DOK6: variants seen among roughly 807,000 people sequenced by gnomAD.
DOK6 encodes the protein docking protein 6, also known as downstream of tyrosine kinase 6.
Under a neutral mutation model 44.0 loss-of-function variants are expected in DOK6, and 22 were observed. That is an observed-to-expected ratio of 0.50 (90% confidence interval 0.36 to 0.71). DOK6 has a LOEUF of 0.71. Ranked by LOEUF, DOK6 falls within the 30% of genes least tolerant of loss-of-function variation. The pLI is 0.00. For missense variants in DOK6, 340 were observed against 416.4 expected (o/e 0.82, Z 1.60); for synonymous variants, 166 against 145.5 (o/e 1.14, Z -1.01).
chr18:69,821,517 C>A (rs1981569072), intron 7 of DOK6, among the ~76,000 whole-genome samples: 2 of 152,148 alleles, frequency 1.3e-5, no homozygotes, highest in African/African-American at 4.8e-5. Context: ...TATTTTCCAT[C>A]TTTAAAAGTA....
chr18:69,490,672 T>A (rs1980711074), intron 1 of DOK6, among the ~76,000 whole-genome samples: 1 of 152,194 alleles, frequency 6.6e-6, no homozygotes, highest in African/African-American at 2.4e-5. Context: ...AGTATTTGAA[T>A]TACCTCCATT....
intron 7 of DOK6, among the ~76,000 whole-genome samples, chr18:69,796,008 CTGAG>C (rs1390472370): frequency 6.6e-6 from 1 of 152,114 alleles, no homozygotes; most frequent in Admixed American, 6.6e-5. Flanking sequence ...AGTTTTCTGC[CTGAG>C]TGTTTCTTTC....
At chr18:69,428,988 T>C (rs1599126588) in intron 1 of DOK6, among the ~76,000 whole-genome samples, 1 of 152,220 alleles carries the variant, frequency 6.6e-6, no homozygotes, top group South Asian at 2.1e-4. Flanking sequence ...CTGTTGCTTT[T>C]CACAAATGAA....
intron 1 of DOK6, among the ~76,000 whole-genome samples, chr18:69,434,086 G>A (rs1244344083): frequency 1.3e-5 from 2 of 152,080 alleles, no homozygotes; most frequent in Non-Finnish European, 2.9e-5. Context: ...TCTCTTCCAA[G>A]CATAATTATG....
At chr18:69,752,835 T>C (rs1483408317) in intron 6 of DOK6, among the ~76,000 whole-genome samples, 1 of 152,270 alleles carries the variant, frequency 6.6e-6, no homozygotes, top group African/African-American at 2.4e-5. Flanking sequence ...CACGGGGTCA[T>C]GTGGAGCAGC....
intron 2 of DOK6, among the ~76,000 whole-genome samples, chr18:69,578,232 T>G (rs186005383): frequency 1.3e-5 from 2 of 152,166 alleles, no homozygotes; most frequent in African/African-American, 4.8e-5. Flanking sequence ...CCGTCTATAA[T>G]GGTACTATAT....
At chr18:69,562,905 A>T (rs1283757645) in intron 1 of DOK6, among the ~76,000 whole-genome samples, 1 of 152,240 alleles carries the variant, frequency 6.6e-6, no homozygotes, top group Non-Finnish European at 1.5e-5. Flanking sequence ...TACTTATCTG[A>T]CAAAGGGCTA....
intron 1 of DOK6, among the ~76,000 whole-genome samples, chr18:69,461,144 G>A (rs1022526130): frequency 6.6e-6 from 1 of 151,806 alleles, no homozygotes; most frequent in South Asian, 2.1e-4. Flanking sequence ...TTCTTTTTTG[G>A]TTCTGATGAA....
At position 69,653,907 on chromosome 18, in the gene DOK6, G is replaced by GA. The variant is rs570711395; in HGVS notation, c.290-23819dup. Among the ~76,000 whole-genome samples the GA allele has an allele frequency of 3.6e-3, 527 of 146,662 alleles. 6 individuals carry two copies. The highest frequency in any genetic ancestry group is 0.012 in the African/African-American group (500 of 40,034). On this transcript the variant is annotated intron_variant, in intron 3 of 7. Coordinates refer to ENST00000382713, the MANE Select transcript of DOK6 (RefSeq NM_152721.6). ...TTAAATACCACCAATCATTCCAGGA[G>GA]AAAAAAAATGGTTAATAGAAATGGG...
chr18:69,839,355 CT>C (rs1481555167), intron 7 of DOK6, among the ~76,000 whole-genome samples: 3 of 150,490 alleles, frequency 2.0e-5, no homozygotes, highest in Non-Finnish European at 4.4e-5. Context: ...AGCCCCTCCC[CT>C]GGTCTATCCC....
chr18:69,547,857 T>A (rs191294789), intron 1 of DOK6, among the ~76,000 whole-genome samples: 3 of 150,142 alleles, frequency 2.0e-5, no homozygotes, highest in Non-Finnish European at 4.4e-5. Context: ...TCCAGTTGCA[T>A]CCTTGTTGCT....
chr18:69,838,688 G>A (rs956596088), intron 7 of DOK6, among the ~76,000 whole-genome samples: 12 of 151,960 alleles, frequency 7.9e-5, no homozygotes, highest in Non-Finnish European at 1.6e-4. Context: ...AAGTAGCAGA[G>A]GCAACATATA....
intron 5 of DOK6, among the ~76,000 whole-genome samples, chr18:69,722,559 A>G (rs532379056): frequency 1.3e-5 from 2 of 152,338 alleles, no homozygotes; most frequent in East Asian, 3.9e-4. Context: ...CAGAGAGTAG[A>G]TATCAGGGCA....
At chr18:69,526,945 C>G (rs1266799003) in intron 1 of DOK6, among the ~76,000 whole-genome samples, 1 of 152,172 alleles carries the variant, frequency 6.6e-6, no homozygotes, top group Non-Finnish European at 1.5e-5. Flanking sequence ...CATTTATTAT[C>G]ACATGGATCA....
chr18:69,794,915 C>T (rs1310012660), intron 7 of DOK6, among the ~76,000 whole-genome samples: 1 of 152,162 alleles, frequency 6.6e-6, no homozygotes, highest in Non-Finnish European at 1.5e-5. Context: ...TCTCCCATCA[C>T]CCCCATATAG....
chr18:69,663,444 A>C (rs1904571411), intron 3 of DOK6: 1 of 152,090 alleles, frequency 6.6e-6, no homozygotes. Flanking sequence ...AAAAGAAATC[A>C]CAAGTCAGTT....
intron 5 of DOK6, among the ~76,000 whole-genome samples, chr18:69,722,376 C>G (rs183013674): frequency 6.6e-6 from 1 of 152,260 alleles, no homozygotes; most frequent in African/African-American, 2.4e-5. Flanking sequence ...ACTGTTTCAG[C>G]CTGGACATGT....
chr18:69,530,638 G>A (rs1378024126), intron 1 of DOK6, among the ~76,000 whole-genome samples: 1 of 152,124 alleles, frequency 6.6e-6, no homozygotes, highest in African/African-American at 2.4e-5. Flanking sequence ...TCTTGAAAAG[G>A]ACTTTCAGAA....
At chr18:69,636,833 A>G (rs947964324) in intron 3 of DOK6, among the ~76,000 whole-genome samples, 1 of 152,216 alleles carries the variant, frequency 6.6e-6, no homozygotes, top group Non-Finnish European at 1.5e-5. Flanking sequence ...TATGCAAAGG[A>G]AGTCTGGTTC....
Sources: gnomAD v4.1 joint callset for allele counts (sites outside exome capture counted in the v4.1 genomes callset) on GRCh38, gnomAD v4.1.1 for gene constraint, MANE v1.5 for transcripts, NCBI Gene and HGNC (gene_info 2026-07-23, HGNC 2026-07-21) for gene names.